Variants in NIPBL observed in about 807,000 individuals in gnomAD.
NIPBL encodes nipped-B-like protein.
A neutral mutation model predicts 321.8 loss-of-function variants in NIPBL; 19 were observed. That is an observed-to-expected ratio of 0.06 (90% CI 0.04 to 0.09). The LOEUF is 0.09. NIPBL is among the 10% of genes least tolerant of loss of function. The pLI is 1.00. For synonymous variants in NIPBL, 1,106 were observed against 1,114.1 expected (o/e 0.99, Z 0.14); for missense variants, 2,210 against 3,327.0 (o/e 0.66, Z 8.26).
At chr5:36,987,160 G>A (rs1046273629) in intron 10 of NIPBL, among the ~76,000 whole-genome samples, 2 of 152,118 alleles carry the variant, frequency 1.3e-5, no homozygotes, top group African/African-American at 2.4e-5. Context: ...GATTACAGGC[G>A]TGAGCCACCG....
In NIPBL at chr5:36,984,742, A is replaced by G; in HGVS notation, c.1562A>G (p.Asn521Ser). ...PQEAGGATGGNRPASQETGST... is the reference protein window; with the variant it reads ...PQEAGGATGGSRPASQETGST... ...GAGGCTGGGGGTGCTACAGGAGGTAATAGACCAGCTTCTCAGGAGACGGGT... is the reference window on the plus strand; with the variant it reads ...GAGGCTGGGGGTGCTACAGGAGGTAGTAGACCAGCTTCTCAGGAGACGGGT... The change falls in exon 10 of 47, where the codon AAT (asparagine) becomes AGT (serine). Residue 521 changes from asparagine to serine, a missense_variant. Coordinates refer to ENST00000282516, the MANE Select transcript of NIPBL (RefSeq NM_133433.4). The G allele has an allele frequency of 6.2e-7, 1 of 1,613,732 alleles. No homozygotes were observed. The highest frequency in any genetic ancestry group is 1.1e-5 in the South Asian group (1 of 91,060).
At chr5:36,921,638 T>A (rs752582757) in intron 1 of NIPBL, among the ~76,000 whole-genome samples, 71 of 152,306 alleles carry the variant, frequency 4.7e-4, no homozygotes, top group Non-Finnish European at 7.8e-4. Context: ...TAGTTTGCCT[T>A]CAGTTAGGGA....
Position 37,064,577 on chromosome 5 carries a change from G to C in NIPBL, c.8100G>C (p.Gln2700His). 6.2e-7 allele frequency: 1 copy of C among 1,614,144 alleles called. No individual in the cohort carries two copies. Among genetic ancestry groups the C allele is most frequent in the Non-Finnish European group, 8.5e-7 (1 of 1,180,034 alleles). Residue 2700 changes from glutamine (Q) to histidine (H), a missense_variant, in exon 47 of 47, where the codon CAG (glutamine) becomes CAC (histidine). Gln to His is a conservative substitution (Grantham distance 24). Coordinates refer to ENST00000282516, the MANE Select transcript of NIPBL (RefSeq NM_133433.4). ...RNSDSTELAA[Q>H]MNESVDVMDV... is the part of the protein sequence containing the mutation. ...CAGACTCTACGGAGTTGGCAGCACA[G>C]ATGAATGAAAGTGTTGACGTCATGG...
intron 29 of NIPBL, among the ~76,000 whole-genome samples, 181 bp from the exon 30 acceptor site, chr5:37,024,404 A>G (rs1750025791): frequency 2.0e-5 from 3 of 151,528 alleles, no homozygotes; most frequent in Non-Finnish European, 3.0e-5. Flanking sequence ...CTTTAAAAGT[A>G]AAGACAACAT....
At chr5:37,038,872 T>G in intron 34 of NIPBL, 134 bp downstream of exon 34, 1 of 936,348 alleles carries the variant, frequency 1.1e-6, no homozygotes, top group Non-Finnish European at 1.6e-6. Context: ...GTACTATTTG[T>G]AGCAAGTGAT....
At chr5:37,062,230 A>G (rs912384138) in intron 45 of NIPBL, among the ~76,000 whole-genome samples, 2 of 152,270 alleles carry the variant, frequency 1.3e-5, no homozygotes, top group African/African-American at 4.8e-5. Context: ...ACAGAGGGCT[A>G]TGTTTTTAAT....
Position 37,059,054 on chromosome 5 carries a change from G to T in NIPBL, c.7574G>T (p.Cys2525Phe). ...SEDDINSVMK[C>F]LPENSAPLIE... ...GACGATATAAATTCAGTGATGAAATGTTTGCCAGAAAATTCAGCTCCTTTA... is the reference window on the plus strand; with the variant it reads ...GACGATATAAATTCAGTGATGAAATTTTTGCCAGAAAATTCAGCTCCTTTA... Residue 2525 changes from cysteine to phenylalanine, a missense_variant, in exon 44 of 47, where the codon TGT (cysteine) becomes TTT (phenylalanine). Cys to Phe is a radical substitution (Grantham distance 205). Transcript: ENST00000282516. 6.2e-7 allele frequency: 1 copy of T among 1,614,202 alleles called. No individual in the cohort carries two copies.
chr5:36,883,668 ATACAT>A (rs1307781768), intron 1 of NIPBL, among the ~76,000 whole-genome samples: 1 of 152,018 alleles, frequency 6.6e-6, no homozygotes, highest in African/African-American at 2.4e-5. Flanking sequence ...TGGTGAGGAA[ATACAT>A]TACAGAGTTT....
Position 37,020,871 on chromosome 5 carries a change from G to T in NIPBL, c.5322G>T (p.Leu1774Phe). ...TTGCCCAGAGCTTTGATATTTATTT[G>T]ACACAGGTAAACTGGATAAGAATTC... ...RPFAQSFDIY[L>F]TQILRVLGEN... Residue 1774 changes from leucine to phenylalanine, a missense_variant, in exon 27 of 47, where the codon TTG becomes TTT. Leu to Phe is a conservative substitution (Grantham distance 22). Transcript: ENST00000282516. 6.2e-7 allele frequency: 1 copy of T among 1,606,652 alleles called. No individual in the cohort carries two copies. The highest frequency in any genetic ancestry group is 1.1e-5 in the South Asian group (1 of 90,838).
chr5:36,909,998 C>T (rs1047989393), intron 1 of NIPBL, among the ~76,000 whole-genome samples: 1 of 151,766 alleles, frequency 6.6e-6, no homozygotes, highest in Non-Finnish European at 1.5e-5. Context: ...ATCACTTGAA[C>T]CTGGGAGGCA....
At chr5:37,030,745 A>G (rs1750906441) in intron 32 of NIPBL, among the ~76,000 whole-genome samples, 1 of 151,632 alleles carries the variant, frequency 6.6e-6, no homozygotes, top group Non-Finnish European at 1.5e-5. Context: ...TGTCTAAATA[A>G]TTATGTTAGT....
rs1303793284 is a variant in NIPBL, at chr5:36,967,041, A to G, written c.611-3835A>G. Among the ~76,000 whole-genome samples, 4 of 152,064 alleles carry G rather than the reference A, an allele frequency of 2.6e-5. No homozygotes were observed. In the East Asian group the frequency reaches 5.8e-4, roughly 22 times the overall value. The stretch of plus-strand genomic sequence containing the variant: ...AATATAAAACAAATATGGGGGATAT[A>G]TGCAACATTTATTATAAACACAAAG... On this transcript the variant is annotated intron_variant, in intron 6 of 46. Coordinates refer to ENST00000282516, the MANE Select transcript of NIPBL (RefSeq NM_133433.4).
rs1193385259 is a variant in NIPBL at position 37,024,664 on chromosome 5, T to C, written c.5654T>C (p.Ile1885Thr). Residue 1885 changes from isoleucine (I) to threonine (T), a missense_variant, in exon 30 of 47, where the codon ATC becomes ACC. Ile to Thr is a moderately conservative substitution (Grantham distance 89). Coordinates refer to ENST00000282516, the MANE Select transcript of NIPBL (RefSeq NM_133433.4). ...ATTGAACAACCAACATTTCCAAAAA[T>C]CACAGAAATGTGTGTAAAAATGATT... is the stretch of plus-strand genomic sequence containing the variant. Reference protein sequence around the residue: ...ICIEQPTFPKITEMCVKMIRR... With the variant: ...ICIEQPTFPKTTEMCVKMIRR... 6.2e-7 allele frequency: 1 copy of C among 1,611,744 alleles called. No individual in the cohort carries two copies. The highest frequency in any genetic ancestry group is 1.7e-5 in the Admixed American group (1 of 59,980).
intron 1 of NIPBL, among the ~76,000 whole-genome samples, chr5:36,931,449 C>CT (rs1749769585): frequency 1.3e-5 from 2 of 152,028 alleles, no homozygotes; most frequent in Non-Finnish European, 2.9e-5. Context: ...TCCTGAGAAA[C>CT]TAAGACCACA....
At chr5:36,955,445 C>CT in intron 2 of NIPBL, 27 bp from the exon 3 acceptor site, 7 of 1,597,376 alleles carry the variant, frequency 4.4e-6, no homozygotes, top group Non-Finnish European at 6.0e-6. Flanking sequence ...CACTCAATTT[C>CT]TAATAATCTG....
chr5:37,009,241 AAAAAAT>A (rs967659880), intron 20 of NIPBL, among the ~76,000 whole-genome samples: 1 of 152,210 alleles, frequency 6.6e-6, no homozygotes, highest in Admixed American at 6.5e-5. Context: ...GTCTCAAAAA[AAAAAAT>A]AAAAAACAGA....
At chr5:36,987,289 C>G (rs1744929525) in intron 10 of NIPBL, among the ~76,000 whole-genome samples, 1 of 152,118 alleles carries the variant, frequency 6.6e-6, no homozygotes, top group Non-Finnish European at 1.5e-5. Flanking sequence ...TATATATAAC[C>G]AAGTATATGA....
intron 1 of NIPBL, among the ~76,000 whole-genome samples, chr5:36,898,840 CT>C (rs1019711626): frequency 3.9e-5 from 6 of 152,092 alleles, no homozygotes; most frequent in Non-Finnish European, 5.9e-5. Flanking sequence ...TAGTTTTAAA[CT>C]TTTTTTAAAA....
intron 1 of NIPBL, among the ~76,000 whole-genome samples, chr5:36,925,030 G>A (rs1265315525): frequency 6.6e-6 from 1 of 152,106 alleles, no homozygotes; most frequent in African/African-American, 2.4e-5. Context: ...CAGTTACTTT[G>A]TCCACTTATG....
Sources: gnomAD v4.1 joint callset for allele counts (sites outside exome capture counted in the v4.1 genomes callset) on GRCh38, gnomAD v4.1.1 for gene constraint, MANE v1.5 for transcripts, NCBI Gene and HGNC (gene_info 2026-07-23, HGNC 2026-07-21) for gene names.